Variants in SYNE3 observed in about 807,000 individuals in gnomAD.
The protein encoded by SYNE3 is nesprin-3.
In SYNE3, 100 loss-of-function variants were observed where a neutral mutation model predicts 111.2. The observed-to-expected ratio is 0.90, with a 90% CI of 0.77 to 1.06. The LOEUF (loss-of-function observed/expected upper bound fraction) is 1.06, where lower values mean the gene tolerates loss of function less well. SYNE3 is among the 50% of genes least tolerant of loss of function. SYNE3 has a pLI of 0.00. For missense variants in SYNE3, 1,160 were observed against 1,240.3 expected (o/e 0.94, Z 0.97); for synonymous variants, 547 against 533.9 (o/e 1.02, Z -0.34).
At chr14:95,418,098 G>A in intron 17 of SYNE3, 72 bp from the exon 18 acceptor site, 3 of 1,529,996 alleles carry the variant, frequency 2.0e-6, no homozygotes, top group Non-Finnish European at 2.7e-6. Flanking sequence ...CAGGGGGCGA[G>A]GAGGATGCCA....
intron 1 of SYNE3, among the ~76,000 whole-genome samples, chr14:95,493,076 C>T (rs1315285884): frequency 6.6e-6 from 1 of 152,196 alleles, no homozygotes; most frequent in East Asian, 1.9e-4. Context: ...TGGCTCACTG[C>T]CTTCTTCAGG....
rs192113341 is a variant in SYNE3, at chr14:95,510,209, A to G, written c.-15+6387T>C. Among the ~76,000 whole-genome samples, 4 of 152,326 alleles carry G rather than the reference A, an allele frequency of 2.6e-5. No homozygotes were observed. The East Asian group carries it at 7.7e-4, about 29-fold the overall frequency. The stretch of plus-strand genomic sequence containing the variant: ...ACTAAGCCCTGCCCCATGGGGAGGT[A>G]TCACCAACCCTGTTAGATGGGAAAC... On this transcript the variant is annotated intron_variant, in intron 1 of 17. Coordinates refer to ENST00000682763, the MANE Select transcript of SYNE3 (RefSeq NM_152592.6).
Position 95,433,349 on chromosome 14 carries a change from G to A in SYNE3, c.2599C>T (p.Pro867Ser), listed in dbSNP as rs370756236. 10 of 1,614,130 alleles carry A rather than the reference G, an allele frequency of 6.2e-6. No individual in the cohort carries two copies. The highest frequency in any genetic ancestry group is 4.5e-5 in the East Asian group (2 of 44,876). The change falls in exon 16 of 18, where the codon CCA (proline) becomes TCA (serine). Residue 867 changes from proline to serine, a missense_variant. Transcript: ENST00000682763. Reference protein sequence around the residue: ...HLFENLLRLGPARGTSDELED... With the variant: ...HLFENLLRLGSARGTSDELED... ...AGCTCATCCGAGGTCCCCCTTGCTG[G>A]CCCGAGACGAAGGAGGTTCTCAAAG...
intron 17 of SYNE3, among the ~76,000 whole-genome samples, chr14:95,419,042 T>C (rs1416617360): frequency 6.6e-6 from 1 of 152,240 alleles, no homozygotes; most frequent in East Asian, 1.9e-4. Context: ...AAATGCCTAA[T>C]GGACTTCTCT....
chr14:95,489,425 T>A (rs1054069341), intron 1 of SYNE3, among the ~76,000 whole-genome samples: 2 of 152,240 alleles, frequency 1.3e-5, no homozygotes, highest in African/African-American at 4.8e-5. Flanking sequence ...TCCTCTGAAC[T>A]CTGAGCCTTT....
At chr14:95,429,813 G>A (rs983685857) in intron 17 of SYNE3, 2 of 489,842 alleles carry the variant, frequency 4.1e-6, no homozygotes, top group African/African-American at 4.3e-5. Flanking sequence ...GACCTTCAGA[G>A]CTCTCTGACC....
chr14:95,444,223 A>C, intron 10 of SYNE3: 1 of 468,070 alleles, frequency 2.1e-6, no homozygotes. Flanking sequence ...AACAAATACC[A>C]ATGTTAGACT....
Position 95,444,590 on chromosome 14 carries a change from A to G in SYNE3, c.1671T>C (p.Phe557=). Residue 557 remains phenylalanine, a synonymous_variant, in exon 10 of 18, where the codon TTT becomes TTC. Coordinates refer to ENST00000682763, the MANE Select transcript of SYNE3 (RefSeq NM_152592.6). ...CCAAGAGCTTCCTCTGCAGGGGCTC[A>G]AAAGCTGCTCCAAAGTCTTTGTGCT... is the stretch of plus-strand genomic sequence containing the variant. The part of the protein sequence containing the change: ...LAQHKDFGAA[F]EPLQRKLLDL... 1 of 1,612,282 alleles carries G rather than the reference A, an allele frequency of 6.2e-7. No homozygotes were observed.
rs1182524290 is a variant in SYNE3, at chr14:95,439,757, C to T, written c.2101G>A (p.Glu701Lys). The T allele has an allele frequency of 1.2e-6, 2 of 1,613,508 alleles. No individual in the cohort carries two copies. The highest frequency in any genetic ancestry group is 1.7e-6 in the Non-Finnish European group (2 of 1,179,622). Residue 701 changes from glutamate to lysine, a missense_variant, in exon 13 of 18, where the codon GAG becomes AAG. Physicochemically the swap from Glu to Lys is moderately conservative, Grantham distance 56. Coordinates refer to ENST00000682763, the MANE Select transcript of SYNE3 (RefSeq NM_152592.6). ...GCTTCCACCAGGGACAGCTGGGCCT[C>T]CTTCTCCGGGAATTCTGCCACCAGC... ...ERLVAEFPEK[E>K]AQLSLVEAQG...
rs1221916905 is a variant in SYNE3 at position 95,465,946 on chromosome 14, C to A, written c.612G>T (p.Val204=). Residue 204 remains valine, a synonymous_variant, in exon 4 of 18, where the codon GTG becomes GTT. Coordinates refer to ENST00000682763, the MANE Select transcript of SYNE3 (RefSeq NM_152592.6). ...QKRMKAEYDA[V]KAKAQKRVDL... Reference sequence around the variant, plus strand: ...TCACCCTCACCTGGGCCTTGGCCTTCACTGCATCGTACTCAGCCTTCATTC... The same window carrying A: ...TCACCCTCACCTGGGCCTTGGCCTTAACTGCATCGTACTCAGCCTTCATTC... 6.3e-6 allele frequency: 10 copies of A among 1,580,230 alleles called. No individual in the cohort carries two copies. Among genetic ancestry groups the A allele is most frequent in the Non-Finnish European group, 8.7e-6 (10 of 1,154,108 alleles).
At chr14:95,513,242 G>A (rs746155451) in intron 1 of SYNE3, among the ~76,000 whole-genome samples, 5 of 151,924 alleles carry the variant, frequency 3.3e-5, no homozygotes, top group African/African-American at 7.3e-5. Flanking sequence ...GCTTTTTGTC[G>A]TCATTTTACT....
Position 95,428,579 on chromosome 14 carries a change from T to C in SYNE3, c.2727+3500A>G, listed in dbSNP as rs1258784501. Among the ~76,000 whole-genome samples, 3 of 152,168 alleles carry C rather than the reference T, an allele frequency of 2.0e-5. No individual in the cohort carries two copies. The East Asian group carries it at 5.8e-4, about 29-fold the overall frequency. On this transcript the variant is annotated intron_variant, in intron 17 of 17. Coordinates refer to ENST00000682763, the MANE Select transcript of SYNE3 (RefSeq NM_152592.6). ...GCTTCTGCAAACTAGCACTGCCCTATTTCACCCTGGCTCACAGAACCTTTG... is the reference window on the plus strand; with the variant it reads ...GCTTCTGCAAACTAGCACTGCCCTACTTCACCCTGGCTCACAGAACCTTTG...
At chr14:95,431,969 T>C (rs914788761) in intron 17 of SYNE3, 110 bp downstream of exon 17, 2 of 1,285,680 alleles carry the variant, frequency 1.6e-6, no homozygotes, top group African/African-American at 3.0e-5. Flanking sequence ...TTCTTTGGTC[T>C]TCCTGGAACC....
intron 4 of SYNE3, among the ~76,000 whole-genome samples, chr14:95,459,386 C>T (rs369886420): frequency 4.6e-5 from 7 of 151,504 alleles, no homozygotes; most frequent in East Asian, 2.0e-4. Context: ...CACGGTCAGA[C>T]GTCATTTTTA....
At chr14:95,443,365 C>T in intron 10 of SYNE3, 76 bp from the exon 11 acceptor site, 2 of 1,570,474 alleles carry the variant, frequency 1.3e-6, no homozygotes, top group South Asian at 2.4e-5. Context: ...AGGGCAGAGC[C>T]TCTGAGTGGG....
At position 95,485,178 on chromosome 14, in the gene SYNE3, C is replaced by T. The variant is rs998224296; in HGVS notation, c.-14-9343G>A. ...GTGGGAGGGCGGTTGGGGCTGGGTC[C>T]TATTAGCTTTGAGTCAATGTAGGCC... On this transcript the variant is annotated intron_variant, in intron 1 of 17. Transcript: ENST00000682763. The surrounding 1 kb of genome is among the most constrained non-coding windows in gnomAD (Gnocchi z 4.3). Among the ~76,000 whole-genome samples the T allele has an allele frequency of 2.0e-5, 3 of 152,126 alleles. No homozygotes were observed. The highest frequency in any genetic ancestry group is 4.4e-5 in the Non-Finnish European group (3 of 68,022).
chr14:95,457,877 C>T (rs778788672), intron 4 of SYNE3, among the ~76,000 whole-genome samples: 24 of 152,202 alleles, frequency 1.6e-4, no homozygotes, highest in Non-Finnish European at 2.9e-4. Flanking sequence ...AGATTCAATC[C>T]GAGCTGGGTT....
chr14:95,505,045 C>T (rs1037330553), intron 1 of SYNE3, among the ~76,000 whole-genome samples: 2 of 152,202 alleles, frequency 1.3e-5, no homozygotes, highest in African/African-American at 4.8e-5. Context: ...ATTCGATCTA[C>T]GAAGTCCAGG....
intron 17 of SYNE3, among the ~76,000 whole-genome samples, chr14:95,421,578 G>A (rs1206060568): frequency 6.6e-6 from 1 of 152,194 alleles, no homozygotes; most frequent in African/African-American, 2.4e-5. Context: ...ATGTAGGAAG[G>A]ATAAATGAGG....
Sources: gnomAD v4.1 joint callset for allele counts (sites outside exome capture counted in the v4.1 genomes callset) on GRCh38, gnomAD v4.1.1 for gene constraint, Gnocchi (gnomAD v3.1) non-coding constraint, MANE v1.5 for transcripts, NCBI Gene and HGNC (gene_info 2026-07-23, HGNC 2026-07-21) for gene names.